Variants in CNTN5 observed in about 807,000 individuals in gnomAD.
CNTN5 encodes contactin-5.
Under a neutral mutation model 129.1 loss-of-function variants are expected in CNTN5, and 77 were observed. The observed-to-expected ratio is 0.60, with a 90% confidence interval of 0.50 to 0.72. The LOEUF (loss-of-function observed/expected upper bound fraction) is 0.72, where lower values mean the gene tolerates loss of function less well. CNTN5 is among the 30% of genes least tolerant of loss of function. The probability of loss-of-function intolerance (pLI) is 0.00; values close to 1 mark genes in which losing one functional copy is unlikely to be tolerated. For synonymous variants in CNTN5, 509 were observed against 465.6 expected, an observed-to-expected ratio of 1.09 and a Z score of -1.20; for missense variants, 1,478 against 1,328.8, an observed-to-expected ratio of 1.11 and a Z score of -1.75.
intron 3 of CNTN5, among the ~76,000 whole-genome samples, chr11:99,780,988 C>A (rs1418508900): frequency 1.3e-5 from 2 of 151,932 alleles, no homozygotes; most frequent in Non-Finnish European, 2.9e-5. Flanking sequence ...TTTGAACACA[C>A]AATGTTTCAT....
chr11:100,340,332 T>C, intron 21 of CNTN5, 131 bp from the exon 22 acceptor site: 1 of 616,238 alleles, frequency 1.6e-6, no homozygotes, highest in Non-Finnish European at 2.8e-6. Context: ...GACCTGTTAA[T>C]TGGGTGATAT....
At position 99,844,980 on chromosome 11, in the gene CNTN5, G is replaced by A. The variant is rs867046421; in HGVS notation, c.401+5G>A. ...CAATCCAGTTCCCAGTTACAGGTAG[G>A]AATTCACTGTTAATCATTTTTCTTA... On this transcript the variant is annotated splice_donor_5th_base_variant and intron_variant, in intron 5 of 24. Transcript: ENST00000524871. The A allele has an allele frequency of 6.2e-7, 1 of 1,612,916 alleles. No homozygotes were observed. The highest frequency in any genetic ancestry group is 8.5e-7 in the Non-Finnish European group (1 of 1,179,470).
chr11:100,180,126 A>G (rs1948092507), intron 13 of CNTN5, among the ~76,000 whole-genome samples: 1 of 152,050 alleles, frequency 6.6e-6, no homozygotes, highest in Non-Finnish European at 1.5e-5. Context: ...TATAGGCAAT[A>G]TCTCATGAGA....
chr11:99,851,897 A>G (rs990427592), intron 6 of CNTN5, among the ~76,000 whole-genome samples: 70 of 152,190 alleles, frequency 4.6e-4, no homozygotes, highest in Admixed American at 2.0e-4. Flanking sequence ...GGTAAAATTG[A>G]CCTTAGAGTT....
chr11:99,153,732 T>C (rs901551176), intron 1 of CNTN5, among the ~76,000 whole-genome samples: 22 of 151,988 alleles, frequency 1.4e-4, no homozygotes, highest in Admixed American at 1.4e-3. Context: ...GATTTTTGAG[T>C]TGCTAGAGTT....
rs546552182 is a variant in CNTN5 at position 99,953,841 on chromosome 11, C to G, written c.674-2965C>G. Among the ~76,000 whole-genome samples the G allele has an allele frequency of 2.6e-5, 4 of 152,182 alleles. No homozygotes were observed. In the East Asian group the frequency reaches 5.8e-4, roughly 22 times the overall value. On this transcript the variant is annotated intron_variant, in intron 7 of 24. Transcript: ENST00000524871. ...ATTACCACATAGTATCAAAAATATG[C>G]GATTGAAATTTAACATAAACATTGA... is the stretch of plus-strand genomic sequence containing the variant.
intron 14 of CNTN5, among the ~76,000 whole-genome samples, chr11:100,191,875 T>C (rs1948504247): frequency 6.6e-6 from 1 of 152,056 alleles, no homozygotes; most frequent in Non-Finnish European, 1.5e-5. Flanking sequence ...TGTCATTGTT[T>C]AGTGACAGAA....
rs1438796155 is a variant in CNTN5 at position 100,348,414 on chromosome 11, C to CGTTTTGACACCACTAACTGAT, written c.3031-2287_3031-2267dup. 2.0e-5 allele frequency among the ~76,000 whole-genome samples: 3 copies of CGTTTTGACACCACTAACTGAT among 152,022 alleles called. No individual in the cohort carries two copies. In the East Asian group the frequency reaches 5.8e-4, roughly 29 times the overall value. Reference sequence around the variant, plus strand: ...AAAAGGCCACACTTAATCTCAAACTCGTTTTGACACCACTAACTGATTTTT... The same window carrying CGTTTTGACACCACTAACTGAT: ...AAAAGGCCACACTTAATCTCAAACTCGTTTTGACACCACTAACTGATGTTTTGACACCACTAACTGATTTTT... On this transcript the variant is annotated intron_variant, in intron 23 of 24. Coordinates refer to ENST00000524871, the MANE Select transcript of CNTN5 (RefSeq NM_014361.4).
chr11:99,932,058 A>G (rs150181885), intron 7 of CNTN5, among the ~76,000 whole-genome samples: 1 of 152,236 alleles, frequency 6.6e-6, no homozygotes, highest in Non-Finnish European at 1.5e-5. Flanking sequence ...TTTGACTATG[A>G]AGCACCTAAG....
rs76626796 is a variant in CNTN5 at position 100,011,723 on chromosome 11, G to C, written c.980+9587G>C. Reference sequence around the variant, plus strand: ...GCCTATTAGGGAACCAGGGTATTAAGTATTTTTTTCTCTTTTTATATGTTT... The same window carrying C: ...GCCTATTAGGGAACCAGGGTATTAACTATTTTTTTCTCTTTTTATATGTTT... On this transcript the variant is annotated intron_variant, in intron 9 of 24. Transcript: ENST00000524871. 2.5e-3 allele frequency among the ~76,000 whole-genome samples: 374 copies of C among 152,178 alleles called. 1 individual carries two copies. Among genetic ancestry groups the C allele is most frequent in the African/African-American group, 8.4e-3 (348 of 41,546 alleles).
intron 3 of CNTN5, among the ~76,000 whole-genome samples, chr11:99,730,533 G>A (rs1943496149): frequency 6.6e-6 from 1 of 152,126 alleles, no homozygotes; most frequent in African/African-American, 2.4e-5. Context: ...ATGAGTATTG[G>A]TAATACTTGT....
At chr11:100,083,616 A>G (rs1315161150) in intron 13 of CNTN5, among the ~76,000 whole-genome samples, 1 of 152,164 alleles carries the variant, frequency 6.6e-6, no homozygotes, top group Admixed American at 6.6e-5. Flanking sequence ...ATAACAGTGT[A>G]CTCACACTCT....
chr11:99,967,058 A>G (rs1320483361), intron 8 of CNTN5, among the ~76,000 whole-genome samples: 2 of 152,164 alleles, frequency 1.3e-5, no homozygotes, highest in African/African-American at 4.8e-5. Context: ...GTGATATCTG[A>G]GTTTAGTTTT....
At chr11:99,505,260 A>G (rs773993322) in intron 2 of CNTN5, among the ~76,000 whole-genome samples, 15 of 152,174 alleles carry the variant, frequency 9.9e-5, no homozygotes, top group Non-Finnish European at 2.1e-4. Flanking sequence ...TAACATTTTA[A>G]AAAAAGACAT....
At chr11:100,137,335 A>T (rs1287667351) in intron 13 of CNTN5, among the ~76,000 whole-genome samples, 1 of 152,274 alleles carries the variant, frequency 6.6e-6, no homozygotes, top group South Asian at 2.1e-4. Context: ...AATTTATTTC[A>T]AATTGGAAAC....
At chr11:99,785,362 CTGA>C (rs1591172624) in intron 3 of CNTN5, among the ~76,000 whole-genome samples, 3 of 152,062 alleles carry the variant, frequency 2.0e-5, no homozygotes, top group African/African-American at 7.2e-5. Context: ...TCTGTTCACT[CTGA>C]TGATAGTTTC....
intron 13 of CNTN5, among the ~76,000 whole-genome samples, chr11:100,135,952 G>A (rs763016764): frequency 5.9e-5 from 9 of 151,978 alleles, no homozygotes; most frequent in Non-Finnish European, 8.8e-5. Context: ...ATTCCTGTTC[G>A]TAATTTATTG....
intron 6 of CNTN5, among the ~76,000 whole-genome samples, chr11:99,905,463 T>C (rs560100185): frequency 1.3e-5 from 2 of 152,278 alleles, no homozygotes; most frequent in East Asian, 3.9e-4. Flanking sequence ...TGTGTGGCAT[T>C]ATAATTGAGG....
chr11:99,248,249 G>A (rs183648028), intron 1 of CNTN5, among the ~76,000 whole-genome samples: 8,180 of 151,894 alleles, frequency 0.054, 764 homozygotes, highest in African/African-American at 0.19. Context: ...TTTTGGGTGC[G>A]TAAATGTCTT....
Sources: allele counts gnomAD v4.1 joint callset (sites outside exome capture counted in the v4.1 genomes callset), GRCh38; gene constraint gnomAD v4.1.1; transcripts MANE v1.5; gene names NCBI Gene and HGNC (gene_info 2026-07-23, HGNC 2026-07-21).